TAMM41: variants seen among roughly 807,000 people sequenced by gnomAD.
The protein encoded by TAMM41 is phosphatidate cytidylyltransferase, mitochondrial.
In TAMM41, 36 loss-of-function variants were observed where a neutral mutation model predicts 44.1. The observed-to-expected ratio is 0.82, with a 90% CI of 0.63 to 1.08. TAMM41 has a LOEUF of 1.08. Among genes scored for constraint, TAMM41 ranks in the 50% least tolerant of loss-of-function variants. TAMM41 has a pLI of 0.00. For synonymous variants in TAMM41, 164 were observed against 153.1 expected, an observed-to-expected ratio of 1.07 and a Z score of -0.53; for missense variants, 417 against 404.3, an observed-to-expected ratio of 1.03 and a Z score of -0.27.
In TAMM41 at chr3:11,824,481, A is replaced by G. The variant is rs138676838; in HGVS notation, c.562+5233T>C. On this transcript the variant is annotated intron_variant, in intron 4 of 7. Transcript: ENST00000455809. ...GCTAATTTCTGTATTTTTAGTAGAG[A>G]TGGGGTTTCATCATGTTGGCCAGGT... Among the ~76,000 whole-genome samples, 943 of 148,756 alleles carry G rather than the reference A, an allele frequency of 6.3e-3. 10 individuals are homozygous for G. The highest frequency in any genetic ancestry group is 0.022 in the African/African-American group (899 of 40,170).
chr3:11,733,708 GA>G, the TAMM41 span, among the ~76,000 whole-genome samples: 2 of 151,968 alleles, frequency 1.3e-5, no homozygotes, highest in Non-Finnish European at 2.9e-5. Context: ...TGTTAGCCAG[GA>G]TGGTCTCGAT....
the TAMM41 span, among the ~76,000 whole-genome samples, chr3:11,729,866 C>G: frequency 2.3e-4 from 35 of 152,030 alleles, no homozygotes; most frequent in African/African-American, 8.4e-4. Flanking sequence ...TATTGGGTGC[C>G]AAGTGTGTGC....
chr3:11,800,748 T>C (rs2077728054), intron 7 of TAMM41, among the ~76,000 whole-genome samples: 1 of 152,266 alleles, frequency 6.6e-6, no homozygotes, highest in South Asian at 2.1e-4. Flanking sequence ...CTCACAGCAC[T>C]ATACAGACCA....
chr3:11,842,192 C>T (rs929209968), intron 2 of TAMM41, among the ~76,000 whole-genome samples: 1 of 152,068 alleles, frequency 6.6e-6, no homozygotes, highest in Non-Finnish European at 1.5e-5. Context: ...AGTTCGTGAC[C>T]AGCCTGGCCA....
At chr3:11,811,121 T>C (rs773028113) in intron 5 of TAMM41, 3 of 152,064 alleles carry the variant, frequency 2.0e-5, no homozygotes, top group Non-Finnish European at 4.4e-5. Flanking sequence ...TCTAGTTTTG[T>C]CTATAAACTC....
the TAMM41 span, among the ~76,000 whole-genome samples, chr3:11,749,545 A>C: frequency 1.0e-3 from 153 of 152,298 alleles, no homozygotes; most frequent in Middle Eastern, 0.01. Context: ...GGCTCTGTTA[A>C]CTGACCTTTC....
In TAMM41 at chr3:11,795,253, G is replaced by A. The variant is rs1575603527; in HGVS notation, c.938-4672C>T. Among the ~76,000 whole-genome samples the A allele has an allele frequency of 3.3e-5, 5 of 152,262 alleles. No homozygotes were observed. The South Asian group carries it at 6.2e-4, about 19-fold the overall frequency. Reference sequence around the variant, plus strand: ...AGAGTTAATTCTGATTGACCACAAAGTCAGGTGGGAAAAAATAGGATTTAA... The same window carrying A: ...AGAGTTAATTCTGATTGACCACAAAATCAGGTGGGAAAAAATAGGATTTAA... On this transcript the variant is annotated intron_variant, in intron 7 of 7. Transcript: ENST00000455809.
the TAMM41 span, among the ~76,000 whole-genome samples, chr3:11,776,018 T>A: frequency 2.2e-4 from 2 of 9,058 alleles, no homozygotes; most frequent in Admixed American, 2.0e-3. Flanking sequence ...ATTAATTAAT[T>A]TTTTTTTTTT....
chr3:11,798,801 A>G lies in TAMM41; in HGVS notation c.938-8220T>C, dbSNP rs149610030. 9.3e-3 allele frequency among the ~76,000 whole-genome samples: 1,424 copies of G among 152,344 alleles called. 30 individuals carry two copies. Among genetic ancestry groups the G allele is most frequent in the African/African-American group, 0.033 (1,375 of 41,572 alleles). On this transcript the variant is annotated intron_variant, in intron 7 of 7. Transcript: ENST00000455809. ...CTGGAGACCTGGGCCAGGGGCTAAC[A>G]CTATTCAAATATGACATTGTAAAGA...
At chr3:11,809,453 T>G in intron 6 of TAMM41, 64 bp downstream of exon 6, 1 of 1,578,498 alleles carries the variant, frequency 6.3e-7, no homozygotes, top group Non-Finnish European at 8.7e-7. Flanking sequence ...TACATTCCAA[T>G]CACAAACAAA....
At chr3:11,791,029 C>T (rs2077466146) in intron 7 of TAMM41, among the ~76,000 whole-genome samples, 1 of 152,204 alleles carries the variant, frequency 6.6e-6, no homozygotes, top group South Asian at 2.1e-4. Flanking sequence ...CTTTCTGCCT[C>T]GTTGACTTGG....
chr3:11,751,479 T>C, the TAMM41 span, among the ~76,000 whole-genome samples: 1 of 152,160 alleles, frequency 6.6e-6, no homozygotes, highest in African/African-American at 2.4e-5. Context: ...GCCAAATGCC[T>C]CGGGAGGTAA....
the TAMM41 span, among the ~76,000 whole-genome samples, chr3:11,775,352 C>T: frequency 2.6e-5 from 4 of 152,320 alleles, no homozygotes; most frequent in Admixed American, 6.5e-5. Flanking sequence ...CTTCCTGTCA[C>T]ATTCCCCGCC....
chr3:11,803,844 A>T (rs1290400872), intron 7 of TAMM41, among the ~76,000 whole-genome samples: 5 of 152,238 alleles, frequency 3.3e-5, no homozygotes, highest in African/African-American at 1.2e-4. Flanking sequence ...CAGAAATTCA[A>T]GTATCACATG....
chr3:11,742,439 A>G, the TAMM41 span, among the ~76,000 whole-genome samples: 1 of 150,380 alleles, frequency 6.6e-6, no homozygotes, highest in African/African-American at 2.5e-5. Flanking sequence ...TTTGTCGCGG[A>G]GGAATCCTCC....
chr3:11,726,146 CTG>C, the TAMM41 span, among the ~76,000 whole-genome samples: 4 of 152,238 alleles, frequency 2.6e-5, no homozygotes, highest in Non-Finnish European at 5.9e-5. Context: ...ACTAACCTGG[CTG>C]TGGAAAATGT....
intron 7 of TAMM41, among the ~76,000 whole-genome samples, chr3:11,805,608 G>A (rs1011659698): frequency 1.3e-5 from 2 of 152,098 alleles, no homozygotes; most frequent in Admixed American, 6.5e-5. Flanking sequence ...AGGGCAACAC[G>A]GTCCTTGAGG....
At chr3:11,823,253 TG>T (rs373098276) in intron 4 of TAMM41, among the ~76,000 whole-genome samples, 5 of 148,970 alleles carry the variant, frequency 3.4e-5, no homozygotes, top group South Asian at 2.1e-4. Context: ...TTGTTGTTGT[TG>T]TTTTTTTTTT....
the TAMM41 span, among the ~76,000 whole-genome samples, chr3:11,759,985 AAAAAAG>A: frequency 9.9e-5 from 15 of 151,508 alleles, no homozygotes; most frequent in African/African-American, 3.6e-4. Flanking sequence ...AAAAAAAAAG[AAAAAAG>A]AAGAAGAAGA....
Sources: allele counts gnomAD v4.1 joint callset (sites outside exome capture counted in the v4.1 genomes callset), GRCh38; gene constraint gnomAD v4.1.1; transcripts MANE v1.5; gene names NCBI Gene and HGNC (gene_info 2026-07-23, HGNC 2026-07-21).